PLEKHF1: variants seen among roughly 807,000 people sequenced by gnomAD.
PLEKHF1 encodes pleckstrin homology and FYVE domain containing 1, also known as pleckstrin homology domain-containing family F member 1.
A neutral mutation model predicts 4.1 loss-of-function variants in PLEKHF1; 1 was observed. The observed-to-expected ratio is 0.24, with a 90% CI of 0.09 to 1.15. The LOEUF (loss-of-function observed/expected upper bound fraction) is 1.15, where lower values mean the gene tolerates loss of function less well. PLEKHF1 is among the 50% of genes most tolerant of loss of function. PLEKHF1 has a pLI of 0.52. For synonymous variants in PLEKHF1, 182 were observed against 178.5 expected (o/e 1.02, Z -0.16); for missense variants, 429 against 400.6 (o/e 1.07, Z -0.60).
intron 1 of PLEKHF1, among the ~76,000 whole-genome samples, chr19:29,670,284 G>C (rs149864885): frequency 1.3e-5 from 2 of 152,156 alleles, no homozygotes; most frequent in East Asian, 3.9e-4. Context: ...GACAACCTCC[G>C]CATTCCCCTT....
At position 29,675,013 on chromosome 19, in the gene PLEKHF1, C is replaced by T; in HGVS notation, c.*334C>T. On this transcript the variant is annotated 3_prime_UTR_variant, in exon 2 of 2. Coordinates refer to ENST00000436066, the MANE Select transcript of PLEKHF1 (RefSeq NM_024310.5). ...GTCTCCAGACATCTAGGGACCAGAGCAGGTTTGGGAACACAGAGGGAAGAC... is the reference window on the plus strand; with the variant it reads ...GTCTCCAGACATCTAGGGACCAGAGTAGGTTTGGGAACACAGAGGGAAGAC... 6.7e-6 allele frequency: 2 copies of T among 297,042 alleles called. No homozygotes were observed. Among genetic ancestry groups the T allele is most frequent in the East Asian group, 6.3e-5 (1 of 15,788 alleles). 18.4% of individuals were successfully genotyped at this position (297,042 alleles called of 1,614,324 possible).
Position 29,671,497 on chromosome 19 carries a change from C to A in PLEKHF1, c.-16-2327C>A, listed in dbSNP as rs1971631675. Among the ~76,000 whole-genome samples, 1 of 152,136 alleles carries A rather than the reference C, an allele frequency of 6.6e-6. No individual in the cohort carries two copies. The highest frequency in any genetic ancestry group is 1.5e-5 in the Non-Finnish European group (1 of 68,026). The stretch of plus-strand genomic sequence containing the variant: ...AGGCATTTTGGTTGTCTCTGCTGGG[C>A]AGTCATTGCTCTTTGTGGAATGCAG... On this transcript the variant is annotated intron_variant, in intron 1 of 1. Coordinates refer to ENST00000436066, the MANE Select transcript of PLEKHF1 (RefSeq NM_024310.5). This position sits in a 1 kb window ranked among gnomAD's most constrained non-coding sequence, Gnocchi z 4.0.
At position 29,674,397 on chromosome 19, in the gene PLEKHF1, C is replaced by A. The variant is rs769746236; in HGVS notation, c.558C>A (p.Cys186Ter). ...GCGGCTTCGTGGTCTGCGCTGAGTGCTCGCGCCAGCGCTTCCTGCTCCCGC... is the reference window on the plus strand; with the variant it reads ...GCGGCTTCGTGGTCTGCGCTGAGTGATCGCGCCAGCGCTTCCTGCTCCCGC... ...RKCGFVVCAE[C>*]SRQRFLLPRL... Residue 186 changes from cysteine to a stop codon, truncating the protein, a stop_gained, in exon 2 of 2, where the codon TGC becomes TGA. Transcript: ENST00000436066. LOFTEE classifies it low-confidence loss of function (END_TRUNC). The A allele has an allele frequency of 2.2e-5, 33 of 1,531,104 alleles. No homozygotes were observed. The Admixed American group carries it at 3.2e-4, about 15-fold the overall frequency. 94.8% of individuals were successfully genotyped at this position (1,531,104 alleles called of 1,614,324 possible). A position where few individuals can be genotyped will look rare whatever the true frequency, so the allele number is the denominator to read the frequency against.
Position 29,674,033 on chromosome 19 carries a change from G to A in PLEKHF1, c.194G>A (p.Gly65Asp). 1 of 1,614,130 alleles carries A rather than the reference G, an allele frequency of 6.2e-7. No individual in the cohort carries two copies. The highest frequency in any genetic ancestry group is 2.2e-5 in the East Asian group (1 of 44,884). ...FFLFNDILVY[G>D]SIVLNKRKYR... Reference sequence around the variant, plus strand: ...CTCTTTAACGACATCCTGGTGTATGGCAGCATCGTGCTCAACAAGCGCAAG... The same window carrying A: ...CTCTTTAACGACATCCTGGTGTATGACAGCATCGTGCTCAACAAGCGCAAG... Residue 65 changes from glycine to aspartate, a missense_variant, in exon 2 of 2, where the codon GGC (glycine) becomes GAC (aspartate). Physicochemically the swap from Gly to Asp is moderately conservative, Grantham distance 94. Transcript: ENST00000436066.
chr19:29,674,173 T>A lies in PLEKHF1; in HGVS notation c.334T>A (p.Ser112Thr). Residue 112 changes from serine to threonine, a missense_variant, in exon 2 of 2, where the codon TCG becomes ACG. Physicochemically the swap from Ser to Thr is moderately conservative, Grantham distance 58 (BLOSUM62 1). Coordinates refer to ENST00000436066, the MANE Select transcript of PLEKHF1 (RefSeq NM_024310.5). Reference protein sequence around the residue: ...IKTAKKSFVVSAASATERQEW... With the variant: ...IKTAKKSFVVTAASATERQEW... ...GACGGCCAAGAAGTCCTTTGTGGTG[T>A]CGGCCGCCTCCGCTACGGAGCGCCA... is the stretch of plus-strand genomic sequence containing the variant. 6.2e-7 allele frequency: 1 copy of A among 1,613,404 alleles called. No individual in the cohort carries two copies. Among genetic ancestry groups the A allele is most frequent in the Non-Finnish European group, 8.5e-7 (1 of 1,179,908 alleles).
intron 1 of PLEKHF1, among the ~76,000 whole-genome samples, chr19:29,668,109 C>T (rs935099138): frequency 2.0e-5 from 3 of 152,182 alleles, no homozygotes; most frequent in Non-Finnish European, 2.9e-5. Flanking sequence ...GCACCTCCAG[C>T]CCCTGTGCAG....
At chr19:29,672,863 T>C (rs1387907938) in intron 1 of PLEKHF1, among the ~76,000 whole-genome samples, 1 of 152,042 alleles carries the variant, frequency 6.6e-6, no homozygotes, top group Non-Finnish European at 1.5e-5. Flanking sequence ...ATGGCATTTA[T>C]GGGGTCTTCA....
Position 29,671,860 on chromosome 19 carries a change from C to T in PLEKHF1, c.-16-1964C>T, listed in dbSNP as rs546326730. Among the ~76,000 whole-genome samples the T allele has an allele frequency of 2.8e-4, 43 of 152,126 alleles. No individual in the cohort carries two copies. Among genetic ancestry groups the T allele is most frequent in the Non-Finnish European group, 5.4e-4 (37 of 68,030 alleles). On this transcript the variant is annotated intron_variant, in intron 1 of 1. Transcript: ENST00000436066. The surrounding 1 kb of genome is among the most constrained non-coding windows in gnomAD (Gnocchi z 4.0). ...ACTATGGGTGTGATCAGCTCAGCCC[C>T]AGGCGTGCCGTGTGTACCGGAATGC... is the stretch of plus-strand genomic sequence containing the variant.
Position 29,674,322 on chromosome 19 carries a change from C to A in PLEKHF1, c.483C>A (p.Cys161Ter). The change falls in exon 2 of 2, where the codon TGC (cysteine) becomes TGA (stop). Residue 161 changes from cysteine (C) to a stop codon, truncating the protein, a stop_gained. Coordinates refer to ENST00000436066, the MANE Select transcript of PLEKHF1 (RefSeq NM_024310.5). LOFTEE classifies it low-confidence loss of function (END_TRUNC). ...PDKATDICMRCTQTRFSALTR... is the reference protein window; with the variant it reads ...PDKATDICMR Reference sequence around the variant, plus strand: ...AGGCCACGGACATCTGCATGCGCTGCACGCAGACGCGCTTCTCTGCCCTCA... The same window carrying A: ...AGGCCACGGACATCTGCATGCGCTGAACGCAGACGCGCTTCTCTGCCCTCA... The A allele has an allele frequency of 6.3e-7, 1 of 1,576,094 alleles. No homozygotes were observed. Among genetic ancestry groups the A allele is most frequent in the South Asian group, 1.1e-5 (1 of 88,440 alleles).
Position 29,673,968 on chromosome 19 carries a change from CAA to C in PLEKHF1, c.131_132del (p.Lys44ArgfsTer15). The C allele has an allele frequency of 6.2e-7, 1 of 1,613,982 alleles. No individual in the cohort carries two copies. ...RVLLGEGVLT[K>X]ECRKKAKPRI... is the part of the protein sequence containing the mutation. ...TGCTGCTGGGCGAGGGCGTGCTGAC[CAA>C]AGAGTGCCGCAAGAAGGCCAAGCCG... On this transcript the variant is annotated frameshift_variant, in exon 2 of 2. Coordinates refer to ENST00000436066, the MANE Select transcript of PLEKHF1 (RefSeq NM_024310.5). LOFTEE classifies it low-confidence loss of function (END_TRUNC).
chr19:29,672,166 C>T (rs1287696079), intron 1 of PLEKHF1, among the ~76,000 whole-genome samples: 1 of 152,044 alleles, frequency 6.6e-6, no homozygotes, highest in Non-Finnish European at 1.5e-5. Context: ...CAAAGAAAAA[C>T]GATTGAATCC....
intron 1 of PLEKHF1, among the ~76,000 whole-genome samples, chr19:29,666,026 G>A (rs1971565797): frequency 1.3e-5 from 2 of 152,138 alleles, no homozygotes; most frequent in South Asian, 2.1e-4. Context: ...GGTGGGAGCT[G>A]CCAAGGGAAA....
chr19:29,666,552 TGACG>T (rs772113269), intron 1 of PLEKHF1, among the ~76,000 whole-genome samples: 4 of 151,142 alleles, frequency 2.6e-5, no homozygotes, highest in Non-Finnish European at 5.9e-5. Context: ...CCAGCCAAGC[TGACG>T]GACCTGCTCG....
intron 1 of PLEKHF1, chr19:29,665,830 G>C (rs1971563430): frequency 9.6e-7 from 1 of 1,037,238 alleles, no homozygotes; most frequent in Non-Finnish European, 1.2e-6. Flanking sequence ...GACTGCAGGG[G>C]TCTCAGCGCA....
chr19:29,673,298 C>G (rs1172594096), intron 1 of PLEKHF1, among the ~76,000 whole-genome samples: 1 of 152,062 alleles, frequency 6.6e-6, no homozygotes. Flanking sequence ...TCTGATGTCC[C>G]GTTGAGGCCT....
chr19:29,668,512 G>C (rs1368446331), intron 1 of PLEKHF1, among the ~76,000 whole-genome samples: 1 of 151,952 alleles, frequency 6.6e-6, no homozygotes, highest in Non-Finnish European at 1.5e-5. Flanking sequence ...TTGAGGCCAG[G>C]AGTTCAAGAC....
chr19:29,666,047 C>T (rs1015721635), intron 1 of PLEKHF1, among the ~76,000 whole-genome samples: 1 of 152,044 alleles, frequency 6.6e-6, no homozygotes, highest in African/African-American at 2.4e-5. Flanking sequence ...CAGGGTCGGG[C>T]ACTGCTCCCA....
At chr19:29,673,391 CT>C (rs5827666) in intron 1 of PLEKHF1, among the ~76,000 whole-genome samples, 25 of 148,096 alleles carry the variant, frequency 1.7e-4, no homozygotes, top group Admixed American at 2.7e-4. Context: ...CTCAGTAGCA[CT>C]TTTTTTTTTT....
chr19:29,667,804 T>C lies in PLEKHF1; in HGVS notation c.-17+2299T>C, dbSNP rs78830427. On this transcript the variant is annotated intron_variant, in intron 1 of 1. Coordinates refer to ENST00000436066, the MANE Select transcript of PLEKHF1 (RefSeq NM_024310.5). ...AGCGTGCCCTGCAGTGTGTGCATTA[T>C]ACATTTTACAATGTGGCATGGTGTA... 3.0e-3 allele frequency among the ~76,000 whole-genome samples: 457 copies of C among 152,370 alleles called. 2 individuals are homozygous for C. Among genetic ancestry groups the C allele is most frequent in the Non-Finnish European group, 4.6e-3 (312 of 68,022 alleles).
Sources: gnomAD v4.1 joint callset for allele counts (sites outside exome capture counted in the v4.1 genomes callset) on GRCh38, gnomAD v4.1.1 for gene constraint, Gnocchi (gnomAD v3.1) non-coding constraint, MANE v1.5 for transcripts, NCBI Gene and HGNC (gene_info 2026-07-23, HGNC 2026-07-21) for gene names.